Variants in NDRG3 observed in about 807,000 individuals in gnomAD.
The protein encoded by NDRG3 is protein NDRG3.
A neutral mutation model predicts 57.2 loss-of-function variants in NDRG3; 23 were observed. The ratio of observed to expected loss-of-function variants is 0.40; its 90% CI spans 0.29 to 0.57. NDRG3 has a LOEUF of 0.57. Among genes scored for constraint, NDRG3 ranks in the 20% least tolerant of loss-of-function variants. The pLI, the probability that NDRG3 is intolerant of heterozygous loss-of-function variation, is 0.42. For synonymous variants in NDRG3, 132 were observed against 162.6 expected, an observed-to-expected ratio of 0.81 and a Z score of 1.43; for missense variants, 384 against 457.3, an observed-to-expected ratio of 0.84 and a Z score of 1.46.
At chr20:36,722,755 T>G (rs1293200647) in intron 1 of NDRG3, among the ~76,000 whole-genome samples, 1 of 152,212 alleles carries the variant, frequency 6.6e-6, no homozygotes, top group Non-Finnish European at 1.5e-5. Flanking sequence ...CAGTGATCCC[T>G]GACTCCTGAT....
intron 12 of NDRG3, among the ~76,000 whole-genome samples, chr20:36,660,897 G>A (rs1979149691): frequency 6.6e-6 from 1 of 152,158 alleles, no homozygotes; most frequent in African/African-American, 2.4e-5. Context: ...TGATATTTCT[G>A]AGCAGATCTA....
intron 1 of NDRG3, among the ~76,000 whole-genome samples, chr20:36,729,524 A>G (rs528674999): frequency 6.8e-4 from 104 of 151,998 alleles, no homozygotes; most frequent in African/African-American, 2.4e-3. Context: ...CATTATTATT[A>G]GCAACAATCT....
intron 2 of NDRG3, among the ~76,000 whole-genome samples, chr20:36,714,660 C>T (rs1984122548): frequency 6.6e-6 from 1 of 151,126 alleles, no homozygotes; most frequent in African/African-American, 2.4e-5. Context: ...GTCGCCCAGG[C>T]TGGAGTGCAG....
intron 2 of NDRG3, among the ~76,000 whole-genome samples, chr20:36,720,587 G>C (rs771475678): frequency 1.3e-5 from 2 of 151,992 alleles, no homozygotes; most frequent in Non-Finnish European, 2.9e-5. Context: ...GTATATTACT[G>C]ACATCCAGTC....
At chr20:36,715,031 T>TAC (rs1264279956) in intron 2 of NDRG3, among the ~76,000 whole-genome samples, 3 of 118,194 alleles carry the variant, frequency 2.5e-5, no homozygotes, top group Admixed American at 8.5e-5. Context: ...TATATATATA[T>TAC]ATATATATAT....
rs375203045 is a variant in NDRG3 at position 36,666,366 on chromosome 20, C to T, written c.615G>A (p.Leu205=). The T allele has an allele frequency of 6.2e-7, 1 of 1,613,974 alleles. No individual in the cohort carries two copies. The highest frequency in any genetic ancestry group is 1.3e-5 in the African/African-American group (1 of 74,938). The stretch of plus-strand genomic sequence containing the variant: ...CAATATGCATTCTGTAGGTTTGGAT[C>T]AGGTCCAGGTTGGCCTGTAACTCTT... The part of the protein sequence containing the change: ...GQEELQANLD[L]IQTYRMHIAQ... Residue 205 remains leucine (L), a synonymous_variant, in exon 10 of 16, where the codon CTG becomes CTA. Coordinates refer to ENST00000349004, the MANE Select transcript of NDRG3 (RefSeq NM_032013.4).
intron 2 of NDRG3, among the ~76,000 whole-genome samples, chr20:36,709,813 G>A (rs369145462): frequency 3.3e-5 from 5 of 152,278 alleles, no homozygotes; most frequent in Admixed American, 1.3e-4. Context: ...ACAGGGCCTG[G>A]TGTAAATCAG....
chr20:36,669,518 C>A (rs1979955490), intron 9 of NDRG3, among the ~76,000 whole-genome samples: 1 of 151,424 alleles, frequency 6.6e-6, no homozygotes, highest in Non-Finnish European at 1.5e-5. Context: ...GCATGAGCCA[C>A]CGTGCCCAGC....
At chr20:36,703,259 T>C (rs577281257) in intron 3 of NDRG3, among the ~76,000 whole-genome samples, 4 of 152,020 alleles carry the variant, frequency 2.6e-5, no homozygotes, top group Non-Finnish European at 4.4e-5. Context: ...ATCATATACA[T>C]GTATATTAGA....
chr20:36,659,588 CTTTAT>C (rs1351224245), intron 13 of NDRG3, among the ~76,000 whole-genome samples: 5 of 152,030 alleles, frequency 3.3e-5, no homozygotes, highest in African/African-American at 1.2e-4. Flanking sequence ...AGGAAAAAAG[CTTTAT>C]TTTATTTATT....
chr20:36,686,533 T>A (rs1981796134), intron 5 of NDRG3, among the ~76,000 whole-genome samples: 1 of 152,084 alleles, frequency 6.6e-6, no homozygotes, highest in African/African-American at 2.4e-5. Flanking sequence ...TGGAGATGAG[T>A]GAAAGGATAG....
intron 5 of NDRG3, 98 bp from the exon 6 acceptor site, chr20:36,684,573 A>C (rs1460076594): frequency 9.6e-7 from 1 of 1,039,798 alleles, no homozygotes; most frequent in African/African-American, 1.6e-5. Context: ...TAAAAGGCTG[A>C]GCGCAGTAGC....
intron 12 of NDRG3, 77 bp downstream of exon 12, chr20:36,664,969 G>A (rs946560450): frequency 1.1e-5 from 16 of 1,417,696 alleles, no homozygotes; most frequent in South Asian, 5.7e-5. Context: ...GAATACAGGC[G>A]TGAGCCACTG....
intron 1 of NDRG3, among the ~76,000 whole-genome samples, chr20:36,740,301 A>G (rs1215149734): frequency 6.6e-6 from 1 of 152,258 alleles, no homozygotes; most frequent in Non-Finnish European, 1.5e-5. Context: ...CAGAATGCAA[A>G]GAAGCCGGAT....
At chr20:36,709,968 A>C in intron 2 of NDRG3, among the ~76,000 whole-genome samples, 1 of 152,210 alleles carries the variant, frequency 6.6e-6, no homozygotes, top group East Asian at 1.9e-4. Context: ...GGGAAAAGAA[A>C]GTAGGATACA....
At chr20:36,739,756 A>C (rs1985826651) in intron 1 of NDRG3, among the ~76,000 whole-genome samples, 2 of 151,510 alleles carry the variant, frequency 1.3e-5, no homozygotes, top group Non-Finnish European at 2.9e-5. Context: ...TAAAAATACA[A>C]AAAATTAGCC....
chr20:36,669,177 C>T lies in NDRG3; in HGVS notation c.588+2164G>A, dbSNP rs1280090930. 2.6e-5 allele frequency among the ~76,000 whole-genome samples: 4 copies of T among 152,086 alleles called. No individual in the cohort carries two copies. In the East Asian group the frequency reaches 7.7e-4, roughly 29 times the overall value. On this transcript the variant is annotated intron_variant, in intron 9 of 15. Coordinates refer to ENST00000349004, the MANE Select transcript of NDRG3 (RefSeq NM_032013.4). ...GTTCAAGAAATTCTCTTGCCTCAGC[C>T]TCCCGAGTAGCTGGGATTACAGGCA...
At chr20:36,665,418 A>C in intron 10 of NDRG3, 117 bp from the exon 11 acceptor site, 1 of 929,244 alleles carries the variant, frequency 1.1e-6, no homozygotes, top group African/African-American at 1.6e-5. Context: ...TTTCCTTCAC[A>C]CCTGAGAAGG....
At chr20:36,744,607 G>A (rs1986094335) in intron 1 of NDRG3, among the ~76,000 whole-genome samples, 1 of 152,140 alleles carries the variant, frequency 6.6e-6, no homozygotes, top group South Asian at 2.1e-4. Flanking sequence ...TTTGAAATGT[G>A]GAGGAGGATT....
Sources: gnomAD v4.1 joint callset for allele counts (sites outside exome capture counted in the v4.1 genomes callset) on GRCh38, gnomAD v4.1.1 for gene constraint, MANE v1.5 for transcripts, NCBI Gene and HGNC (gene_info 2026-07-23, HGNC 2026-07-21) for gene names.